SDK1: variants seen among roughly 807,000 people sequenced by gnomAD.
The protein encoded by SDK1 is sidekick cell adhesion molecule 1, also known as protein sidekick-1.
A neutral mutation model predicts 245.5 loss-of-function variants in SDK1; 157 were observed. That is an observed-to-expected ratio of 0.64 (90% CI 0.56 to 0.73). SDK1 has a LOEUF of 0.73. SDK1 is among the 30% of genes least tolerant of loss of function. The pLI, the probability that SDK1 is intolerant of heterozygous loss-of-function variation, is 0.00. For synonymous variants in SDK1, 1,647 were observed against 1,278.5 expected, an observed-to-expected ratio of 1.29 and a Z score of -6.15; for missense variants, 3,583 against 3,002.3, an observed-to-expected ratio of 1.19 and a Z score of -4.52.
At chr7:4,246,016 G>A (rs1479284866) in intron 44 of SDK1, among the ~76,000 whole-genome samples, 1 of 152,118 alleles carries the variant, frequency 6.6e-6, no homozygotes, top group Non-Finnish European at 1.5e-5. Flanking sequence ...ACATAGCCTC[G>A]AGCAGTCTAG....
intron 1 of SDK1, among the ~76,000 whole-genome samples, chr7:3,544,935 G>C (rs982266399): frequency 6.6e-6 from 1 of 152,104 alleles, no homozygotes; most frequent in Non-Finnish European, 1.5e-5. Context: ...TGGTGGATTT[G>C]TATAAAACTC....
intron 20 of SDK1, among the ~76,000 whole-genome samples, chr7:4,071,294 G>C: frequency 6.6e-6 from 1 of 152,088 alleles, no homozygotes; most frequent in East Asian, 1.9e-4. Context: ...CAAAGTGCTG[G>C]GATTACTGGC....
intron 30 of SDK1, 112 bp from the exon 31 acceptor site, chr7:4,158,335 AG>A: frequency 1.3e-6 from 1 of 796,064 alleles, no homozygotes; most frequent in Non-Finnish European, 2.0e-6. Context: ...AGGAGCCCAG[AG>A]CTCTCAGGGC....
At chr7:3,621,389 A>G (rs1369307856) in intron 2 of SDK1, among the ~76,000 whole-genome samples, 1 of 152,184 alleles carries the variant, frequency 6.6e-6, no homozygotes, top group Non-Finnish European at 1.5e-5. Context: ...CCTCATTTTT[A>G]TGAGAGTTCT....
rs189413197 is a variant in SDK1, at chr7:3,692,546, A to G, written c.713+50441A>G. Among the ~76,000 whole-genome samples the G allele has an allele frequency of 5.1e-4, 77 of 152,174 alleles. 1 individual carries two copies. Among genetic ancestry groups the G allele is most frequent in the African/African-American group, 1.7e-3 (70 of 41,526 alleles). On this transcript the variant is annotated intron_variant, in intron 4 of 44. Coordinates refer to ENST00000404826, the MANE Select transcript of SDK1 (RefSeq NM_152744.4). ...GTTATGTAGCATAAATTATTTGTTT[A>G]TTTGGGTACATTTCAGTTATGTCCT...
At position 3,529,245 on chromosome 7, in the gene SDK1, A is replaced by C. The variant is rs542975127; in HGVS notation, c.299-89835A>C. 3.3e-5 allele frequency among the ~76,000 whole-genome samples: 5 copies of C among 152,296 alleles called. No homozygotes were observed. In the East Asian group the frequency reaches 9.7e-4, roughly 29 times the overall value. Reference sequence around the variant, plus strand: ...ATACACACCCAGAAGGCCTAGGAGCAGTCAATCACTTATCAGCAGTGAGTT... The same window carrying C: ...ATACACACCCAGAAGGCCTAGGAGCCGTCAATCACTTATCAGCAGTGAGTT... On this transcript the variant is annotated intron_variant, in intron 1 of 44. Coordinates refer to ENST00000404826, the MANE Select transcript of SDK1 (RefSeq NM_152744.4).
intron 1 of SDK1, among the ~76,000 whole-genome samples, chr7:3,387,396 T>G (rs1453431204): frequency 6.6e-6 from 1 of 152,202 alleles, no homozygotes; most frequent in Non-Finnish European, 1.5e-5. Flanking sequence ...CTCACCCTGA[T>G]GAAGGTTATT....
intron 1 of SDK1, among the ~76,000 whole-genome samples, chr7:3,469,999 C>T (rs1781130424): frequency 6.6e-6 from 1 of 152,140 alleles, no homozygotes; most frequent in Non-Finnish European, 1.5e-5. Flanking sequence ...AAAATGCATG[C>T]AGTAATATCA....
chr7:3,535,416 C>T (rs1478273867), intron 1 of SDK1, among the ~76,000 whole-genome samples: 3 of 152,066 alleles, frequency 2.0e-5, no homozygotes, highest in Admixed American at 6.5e-5. Context: ...AGCTCTTATC[C>T]CTAATGCCAA....
intron 5 of SDK1, among the ~76,000 whole-genome samples, chr7:3,832,551 T>G (rs1485934038): frequency 6.6e-6 from 1 of 152,218 alleles, no homozygotes; most frequent in Admixed American, 6.5e-5. Context: ...AAGTATCTGT[T>G]AAAGTGAAAG....
At chr7:4,053,109 T>A (rs887030242) in intron 19 of SDK1, among the ~76,000 whole-genome samples, 72 of 144,568 alleles carry the variant, frequency 5.0e-4, no homozygotes, top group African/African-American at 1.7e-3. Flanking sequence ...AAAAAAAAAA[T>A]TAGGAAAATT....
chr7:3,375,513 A>G (rs749825256), intron 1 of SDK1, among the ~76,000 whole-genome samples: 1 of 152,180 alleles, frequency 6.6e-6, no homozygotes, highest in East Asian at 1.9e-4. Context: ...CTGTGTAACC[A>G]GTAGGATAGA....
At chr7:4,205,624 A>G (rs1784171756) in intron 35 of SDK1, among the ~76,000 whole-genome samples, 1 of 152,256 alleles carries the variant, frequency 6.6e-6, no homozygotes, top group Admixed American at 6.5e-5. Context: ...TATGCATTTA[A>G]GAACATCGTA....
chr7:3,478,878 G>C (rs915015866), intron 1 of SDK1, among the ~76,000 whole-genome samples: 1 of 151,428 alleles, frequency 6.6e-6, no homozygotes, highest in Non-Finnish European at 1.5e-5. Context: ...TCCAATATAT[G>C]GTGTTTTTAT....
chr7:3,534,500 A>G lies in SDK1; in HGVS notation c.299-84580A>G, dbSNP rs1484793160. Among the ~76,000 whole-genome samples the G allele has an allele frequency of 2.6e-5, 4 of 152,274 alleles. No individual in the cohort carries two copies. In the East Asian group the frequency reaches 5.8e-4, roughly 22 times the overall value. On this transcript the variant is annotated intron_variant, in intron 1 of 44. Transcript: ENST00000404826. Reference sequence around the variant, plus strand: ...CGGTTGTACAGTTTTGCATTCCTAGAAACAATATATAGCATTCAAATTTCT... The same window carrying G: ...CGGTTGTACAGTTTTGCATTCCTAGGAACAATATATAGCATTCAAATTTCT...
chr7:3,357,403 G>A (rs1205734977), intron 1 of SDK1, among the ~76,000 whole-genome samples: 2 of 121,808 alleles, frequency 1.6e-5, no homozygotes, highest in African/African-American at 3.2e-5. Flanking sequence ...AGGCTGGAGT[G>A]CAATGGTGCG....
intron 1 of SDK1, among the ~76,000 whole-genome samples, chr7:3,508,603 C>G (rs904906694): frequency 6.6e-6 from 1 of 152,162 alleles, no homozygotes; most frequent in African/African-American, 2.4e-5. Context: ...GTTGGGATTA[C>G]AGGTGTGAGC....
At chr7:3,551,609 C>A (rs1453485524) in intron 1 of SDK1, among the ~76,000 whole-genome samples, 1 of 151,130 alleles carries the variant, frequency 6.6e-6, no homozygotes. Flanking sequence ...AAAAATAAGT[C>A]CAGAAACATC....
chr7:3,375,791 A>G (rs1243783624), intron 1 of SDK1, among the ~76,000 whole-genome samples: 1 of 152,192 alleles, frequency 6.6e-6, no homozygotes, highest in Non-Finnish European at 1.5e-5. Context: ...TCTGGGAGGC[A>G]TCTTGCCTGC....
Sources: allele counts gnomAD v4.1 joint callset (sites outside exome capture counted in the v4.1 genomes callset), GRCh38; gene constraint gnomAD v4.1.1; transcripts MANE v1.5; gene names NCBI Gene and HGNC (gene_info 2026-07-23, HGNC 2026-07-21).